PCNT: variants seen among roughly 807,000 people sequenced by gnomAD.
PCNT encodes the protein pericentrin, also known as kendrin.
A neutral mutation model predicts 380.4 loss-of-function variants in PCNT; 319 were observed. The observed-to-expected ratio is 0.84, with a 90% CI of 0.77 to 0.92. The LOEUF is 0.92. Among genes scored for constraint, PCNT ranks in the 40% least tolerant of loss-of-function variants. The pLI is 0.00. For missense variants in PCNT, 4,400 were observed against 4,255.3 expected, an observed-to-expected ratio of 1.03 and a Z score of -0.95; for synonymous variants, 1,845 against 1,735.2, an observed-to-expected ratio of 1.06 and a Z score of -1.57.
chr21:46,334,610 G>C lies in PCNT; in HGVS notation c.481G>C (p.Val161Leu). 9 of 1,588,162 alleles carry C rather than the reference G, an allele frequency of 5.7e-6. No individual in the cohort carries two copies. Among genetic ancestry groups the C allele is most frequent in the Non-Finnish European group, 7.8e-6 (9 of 1,160,096 alleles). The change falls in exon 3 of 47, where the codon GTC becomes CTC. Residue 161 changes from valine to leucine, a missense_variant. Physicochemically the swap from Val to Leu is conservative, Grantham distance 32 (BLOSUM62 1). Coordinates refer to ENST00000359568, the MANE Select transcript of PCNT (RefSeq NM_006031.6). The stretch of plus-strand genomic sequence containing the variant: ...ACCAGAACAGCATGGGATGTTCACA[G>C]TCAGTGACCACCCACCAGAACAGCG... ...HPPEQHGMFT[V>L]SDHPPEQRGM... is the part of the protein sequence containing the mutation.
intron 2 of PCNT, among the ~76,000 whole-genome samples, chr21:46,334,025 T>C (rs1490516740): frequency 1.3e-5 from 2 of 151,790 alleles, no homozygotes; most frequent in Admixed American, 6.6e-5. Context: ...GCTAACATGG[T>C]GAAACCCTGT....
chr21:46,372,251 A>T (rs901370535), intron 15 of PCNT, among the ~76,000 whole-genome samples: 1 of 151,744 alleles, frequency 6.6e-6, no homozygotes, highest in Non-Finnish European at 1.5e-5. Flanking sequence ...GCACATACAC[A>T]GCACATGTGC....
At chr21:46,424,101 G>A (rs913150265) in intron 32 of PCNT, among the ~76,000 whole-genome samples, 4 of 152,186 alleles carry the variant, frequency 2.6e-5, no homozygotes, top group South Asian at 2.1e-4. Context: ...CTCCAGGCGC[G>A]TGGGGGACAC....
chr21:46,406,227 C>A lies in PCNT; in HGVS notation c.5115+3744C>A, dbSNP rs151197303. Among the ~76,000 whole-genome samples the A allele has an allele frequency of 9.8e-4, 149 of 152,350 alleles. 4 individuals carry two copies. In the East Asian group the frequency reaches 0.025, roughly 25 times the overall value. On this transcript the variant is annotated intron_variant, in intron 27 of 46. Coordinates refer to ENST00000359568, the MANE Select transcript of PCNT (RefSeq NM_006031.6). The stretch of plus-strand genomic sequence containing the variant: ...TCCTCCGGGGCTCCAGCCATCCTAA[C>A]ACCTCATCCTCAATGTGGGCCCTCC...
intron 38 of PCNT, among the ~76,000 whole-genome samples, chr21:46,435,426 A>C (rs1032029400): frequency 1.3e-5 from 2 of 150,990 alleles, no homozygotes; most frequent in African/African-American, 4.9e-5. Flanking sequence ...GGGTTTCCTC[A>C]TGTTGGCCAG....
At chr21:46,443,741 G>A in intron 44 of PCNT, 69 bp from the exon 45 acceptor site, 1 of 1,464,794 alleles carries the variant, frequency 6.8e-7, no homozygotes, top group East Asian at 2.3e-5. Context: ...ACTGTTGATA[G>A]ATGGGCCTTT....
chr21:46,421,576 T>C (rs2087250621), intron 31 of PCNT, among the ~76,000 whole-genome samples: 1 of 152,252 alleles, frequency 6.6e-6, no homozygotes, highest in Non-Finnish European at 1.5e-5. Flanking sequence ...GTCCGCTGCC[T>C]GCCTTATCTC....
At chr21:46,441,596 ACT>A (rs1957479379) in intron 43 of PCNT, among the ~76,000 whole-genome samples, 1 of 151,786 alleles carries the variant, frequency 6.6e-6, no homozygotes. Flanking sequence ...GGGTTGCTGT[ACT>A]CTCAGCTTCT....
At chr21:46,335,470 C>T (rs1220651877) in intron 3 of PCNT, among the ~76,000 whole-genome samples, 2 of 151,934 alleles carry the variant, frequency 1.3e-5, no homozygotes, top group Non-Finnish European at 2.9e-5. Flanking sequence ...CCGAGGTGGG[C>T]GGATCACGAG....
chr21:46,385,876 C>T lies in PCNT; in HGVS notation c.3357C>T (p.Cys1119=). 1 of 1,614,202 alleles carries T rather than the reference C, an allele frequency of 6.2e-7. No homozygotes were observed. The highest frequency in any genetic ancestry group is 8.5e-7 in the Non-Finnish European group (1 of 1,180,002). ...CCTTAAGTCACGAGATAGAAGAGTGCCGCTCCGAGTTGGAGGTGCTGCAGC... is the reference window on the plus strand; with the variant it reads ...CCTTAAGTCACGAGATAGAAGAGTGTCGCTCCGAGTTGGAGGTGCTGCAGC... ...VLSLSHEIEE[C]RSELEVLQQR... The change falls in exon 17 of 47, where the codon TGC becomes TGT. Residue 1119 remains cysteine (C), a synonymous_variant. Transcript: ENST00000359568.
rs1391159232 is a variant in PCNT at position 46,390,758 on chromosome 21, A to G, written c.3929A>G (p.Gln1310Arg). 16 of 1,613,318 alleles carry G rather than the reference A, an allele frequency of 9.9e-6. No homozygotes were observed. In the African/African-American group the frequency reaches 2.0e-4, roughly 20 times the overall value. Reference protein sequence around the residue: ...EETAQVVRKHQELLECLKEES... With the variant: ...EETAQVVRKHRELLECLKEES... ...ACAGCACAGGTTGTCAGGAAGCACCAGGAGCTGCTGGAGTGTTTGAAGGAG... is the reference window on the plus strand; with the variant it reads ...ACAGCACAGGTTGTCAGGAAGCACCGGGAGCTGCTGGAGTGTTTGAAGGAG... Residue 1310 changes from glutamine to arginine, a missense_variant, in exon 20 of 47, where the codon CAG (glutamine) becomes CGG (arginine). Coordinates refer to ENST00000359568, the MANE Select transcript of PCNT (RefSeq NM_006031.6).
At chr21:46,421,942 T>C in intron 31 of PCNT, 28 bp from the exon 32 acceptor site, 6 of 1,612,534 alleles carry the variant, frequency 3.7e-6, no homozygotes, top group Non-Finnish European at 5.1e-6. Flanking sequence ...GAGCTGTGGG[T>C]GGGACCCTGA....
At chr21:46,394,804 T>G (rs1315412162) in intron 21 of PCNT, among the ~76,000 whole-genome samples, 3 of 152,274 alleles carry the variant, frequency 2.0e-5, no homozygotes, top group Non-Finnish European at 4.4e-5. Context: ...TTGTGATAGT[T>G]ACAGCTGTTC....
At chr21:46,424,700 C>T (rs2087414104) in intron 32 of PCNT, among the ~76,000 whole-genome samples, 1 of 53,474 alleles carries the variant, frequency 1.9e-5, no homozygotes, top group East Asian at 8.8e-4. Flanking sequence ...CTCCCCCGGC[C>T]CTGCTCCCAC....
chr21:46,421,550 C>T (rs936545891), intron 31 of PCNT, among the ~76,000 whole-genome samples: 2 of 152,222 alleles, frequency 1.3e-5, no homozygotes, highest in East Asian at 1.9e-4. Context: ...GTTTCCTGAG[C>T]AGTCATTGGA....
intron 38 of PCNT, among the ~76,000 whole-genome samples, chr21:46,435,080 G>A (rs779080212): frequency 3.3e-5 from 5 of 152,202 alleles, no homozygotes; most frequent in Non-Finnish European, 7.3e-5. Context: ...CACAGCACGA[G>A]GGTGTGCAGT....
chr21:46,376,036 G>A (rs1201530674), intron 15 of PCNT, among the ~76,000 whole-genome samples: 1 of 152,158 alleles, frequency 6.6e-6, no homozygotes, highest in Non-Finnish European at 1.5e-5. Flanking sequence ...CTGGTGGGCT[G>A]CGTGCAGTGT....
rs1488260308 is a variant in PCNT, at chr21:46,431,838, C to T, written c.8374C>T (p.Gln2792Ter). The change falls in exon 38 of 47, where the codon CAG (glutamine) becomes TAG (stop). Residue 2792 changes from glutamine (Q) to a stop codon, truncating the protein, a stop_gained. Coordinates refer to ENST00000359568, the MANE Select transcript of PCNT (RefSeq NM_006031.6). LOFTEE classifies it high-confidence loss of function. ...CACACAGGCCCATCACGCTCTGCTG[C>T]AGAAGCTGAAGGAGGAGAAGTCCCG... ...QDTQAHHALL[Q>*]KLKEEKSRVV... is the part of the protein sequence containing the mutation. 5 of 1,613,808 alleles carry T rather than the reference C, an allele frequency of 3.1e-6. No individual in the cohort carries two copies. Among genetic ancestry groups the T allele is most frequent in the Admixed American group, 3.3e-5 (2 of 60,006 alleles).
intron 14 of PCNT, among the ~76,000 whole-genome samples, chr21:46,364,967 T>C (rs923466394): frequency 2.6e-5 from 4 of 152,238 alleles, no homozygotes; most frequent in African/African-American, 9.6e-5. Context: ...CAGTGCCCAT[T>C]GGAGGCCTTG....
Sources: allele counts gnomAD v4.1 joint callset (sites outside exome capture counted in the v4.1 genomes callset), GRCh38; gene constraint gnomAD v4.1.1; transcripts MANE v1.5; gene names NCBI Gene and HGNC (gene_info 2026-07-23, HGNC 2026-07-21).